The following VSNL1 variants were observed in gnomAD, a reference collection of about 807,000 sequenced individuals.
VSNL1 encodes the protein visinin-like protein 1.
A neutral mutation model predicts 20.4 loss-of-function variants in VSNL1; 6 were observed. The observed-to-expected ratio is 0.29, with a 90% confidence interval of 0.16 to 0.58. The LOEUF (loss-of-function observed/expected upper bound fraction) is 0.58. Among genes scored for constraint, VSNL1 ranks in the 20% least tolerant of loss-of-function variants. VSNL1 has a pLI of 0.90. For synonymous variants in VSNL1, 93 were observed against 86.4 expected, an observed-to-expected ratio of 1.08 and a Z score of -0.42; for missense variants, 100 against 234.5, an observed-to-expected ratio of 0.43 and a Z score of 3.75.
chr2:17,633,579 C>A (rs1180397500), intron 2 of VSNL1, among the ~76,000 whole-genome samples: 1 of 151,894 alleles, frequency 6.6e-6, no homozygotes, highest in Non-Finnish European at 1.5e-5. Context: ...CAGAGGCCAC[C>A]TTCACCTATC....
In VSNL1 at chr2:17,592,177, C is replaced by A; in HGVS notation, c.103C>A (p.Leu35Ile). ...ACTCAAGCAGTGGTACAAAGGATTT[C>A]TCAAGGACTGTCCAAGTGGGAGGCT... Reference protein sequence around the residue: ...HELKQWYKGFLKDCPSGRLNL... With the variant: ...HELKQWYKGFIKDCPSGRLNL... The change falls in exon 2 of 4, where the codon CTC (leucine) becomes ATC (isoleucine). Residue 35 changes from leucine (L) to isoleucine (I), a missense_variant. Physicochemically the swap from Leu to Ile is conservative, Grantham distance 5 (BLOSUM62 2). Coordinates refer to ENST00000295156, the MANE Select transcript of VSNL1 (RefSeq NM_003385.5). 1 of 1,613,904 alleles carries A rather than the reference C, an allele frequency of 6.2e-7. No individual in the cohort carries two copies.
At chr2:17,607,182 G>A (rs995870807) in intron 2 of VSNL1, among the ~76,000 whole-genome samples, 5 of 152,106 alleles carry the variant, frequency 3.3e-5, no homozygotes, top group African/African-American at 4.8e-5. Flanking sequence ...GGAGAATGGG[G>A]CTGAGCCAGG....
chr2:17,583,732 G>A lies in VSNL1; in HGVS notation c.-5-8338G>A, dbSNP rs567433721. ...TCAGATGACTTTCCTCAGTCAGGTC[G>A]GATATGATGCACTTTTATGTAAAGG... On this transcript the variant is annotated intron_variant, in intron 1 of 3. Transcript: ENST00000295156. Among the ~76,000 whole-genome samples the A allele has an allele frequency of 1.2e-4, 18 of 152,278 alleles. No individual in the cohort carries two copies. In the South Asian group the frequency reaches 1.4e-3, roughly 12 times the overall value.
At chr2:17,647,862 G>T (rs1302357349) in intron 2 of VSNL1, among the ~76,000 whole-genome samples, 1 of 152,094 alleles carries the variant, frequency 6.6e-6, no homozygotes, top group Non-Finnish European at 1.5e-5. Context: ...CCCAAGACGA[G>T]GCCCGACATG....
rs1572228909 is a variant in VSNL1, at chr2:17,656,697, TAG to T, written c.*1308_*1309del. The T allele has an allele frequency of 6.6e-6, 1 of 152,182 alleles. No homozygotes were observed. Among genetic ancestry groups the T allele is most frequent in the East Asian group, 1.9e-4 (1 of 5,198 alleles). The allele number at this position is 152,182 out of a possible 1,614,324, so 9.4% of individuals were successfully genotyped here. A position where few individuals can be genotyped will look rare whatever the true frequency, so the allele number is the denominator to read the frequency against. On this transcript the variant is annotated 3_prime_UTR_variant, in exon 4 of 4. Coordinates refer to ENST00000295156, the MANE Select transcript of VSNL1 (RefSeq NM_003385.5). ...TTTGCATTTTCAGAACATGCCCCCC[TAG>T]AGAGTTGAGTTTTTTACACAGCACT...
rs772436363 is a variant in VSNL1 at position 17,649,393 on chromosome 2, C to T, written c.163-17C>T. On this transcript the variant is annotated splice_polypyrimidine_tract_variant and intron_variant, in intron 2 of 3. Transcript: ENST00000295156. This position sits in a 1 kb window ranked among gnomAD's most constrained non-coding sequence, Gnocchi z 6.4. ...CATCCCCTCCCGACACCTGACTGCG[C>T]GTGTTCTCCTTTGCAGTTCTTTCCT... 6 of 1,613,174 alleles carry T rather than the reference C, an allele frequency of 3.7e-6. No individual in the cohort carries two copies. The highest frequency in any genetic ancestry group is 2.2e-5 in the East Asian group (1 of 44,866).
rs564397309 is a variant in VSNL1 at position 17,570,773 on chromosome 2, G to A, written c.-5-21297G>A. The stretch of plus-strand genomic sequence containing the variant: ...CAAAAATGGCAAGATTAGGCTAGGT[G>A]CAGTGGCTCACACCTGTAATCCCAG... On this transcript the variant is annotated intron_variant, in intron 1 of 3. Coordinates refer to ENST00000295156, the MANE Select transcript of VSNL1 (RefSeq NM_003385.5). Among the ~76,000 whole-genome samples, 176 of 152,288 alleles carry A rather than the reference G, an allele frequency of 1.2e-3. 1 individual carries two copies. The highest frequency in any genetic ancestry group is 1.8e-3 in the Non-Finnish European group (121 of 68,010).
intron 2 of VSNL1, among the ~76,000 whole-genome samples, chr2:17,622,506 AAAAG>A (rs1291961474): frequency 7.8e-6 from 1 of 128,326 alleles, no homozygotes. Flanking sequence ...TCAAAAAAAA[AAAAG>A]AAAGAAAGAA....
chr2:17,630,127 GT>G (rs1181918563), intron 2 of VSNL1, among the ~76,000 whole-genome samples: 1 of 152,232 alleles, frequency 6.6e-6, no homozygotes, highest in Non-Finnish European at 1.5e-5. Flanking sequence ...AATCTCGTCC[GT>G]GTATTTTACT....
At position 17,577,515 on chromosome 2, in the gene VSNL1, T is replaced by G. The variant is rs560597333; in HGVS notation, c.-5-14555T>G. ...TTCTAGACTCTCCATTCTGTTATGC[T>G]GATCTATATGTCTATTTTTGTGCCC... On this transcript the variant is annotated intron_variant, in intron 1 of 3. Coordinates refer to ENST00000295156, the MANE Select transcript of VSNL1 (RefSeq NM_003385.5). Among the ~76,000 whole-genome samples the G allele has an allele frequency of 2.6e-5, 4 of 152,354 alleles. No individual in the cohort carries two copies. In the South Asian group the frequency reaches 8.3e-4, roughly 32 times the overall value.
intron 2 of VSNL1, among the ~76,000 whole-genome samples, chr2:17,629,933 C>A (rs1405568121): frequency 6.6e-6 from 1 of 152,130 alleles, no homozygotes; most frequent in Non-Finnish European, 1.5e-5. Flanking sequence ...TTTTTATGGA[C>A]TCGGAATGGC....
intron 1 of VSNL1, among the ~76,000 whole-genome samples, chr2:17,565,864 G>T (rs564692507): frequency 6.6e-6 from 1 of 152,188 alleles, no homozygotes; most frequent in Non-Finnish European, 1.5e-5. Context: ...CCTGCATGCT[G>T]TTCTAGTGAT....
Position 17,608,217 on chromosome 2 carries a change from G to A in VSNL1, c.162+15981G>A, listed in dbSNP as rs561810456. On this transcript the variant is annotated intron_variant, in intron 2 of 3. Transcript: ENST00000295156. ...AAGAAATGCAAGGAAGACCATAAAAGACAAAGTTGGTCTCTGAAAATAGAT... is the reference window on the plus strand; with the variant it reads ...AAGAAATGCAAGGAAGACCATAAAAAACAAAGTTGGTCTCTGAAAATAGAT... Among the ~76,000 whole-genome samples, 4 of 152,324 alleles carry A rather than the reference G, an allele frequency of 2.6e-5. No homozygotes were observed. In the South Asian group the frequency reaches 8.3e-4, roughly 32 times the overall value.
intron 2 of VSNL1, among the ~76,000 whole-genome samples, chr2:17,610,198 T>C (rs899629315): frequency 1.3e-5 from 2 of 152,228 alleles, no homozygotes; most frequent in Non-Finnish European, 2.9e-5. Flanking sequence ...TTGATCTTTG[T>C]ACTTCATCCA....
intron 1 of VSNL1, among the ~76,000 whole-genome samples, chr2:17,544,620 G>A (rs1288126892): frequency 6.6e-6 from 1 of 152,166 alleles, no homozygotes; most frequent in Non-Finnish European, 1.5e-5. Context: ...CAGAATAACA[G>A]TTCAGCATCA....
intron 2 of VSNL1, among the ~76,000 whole-genome samples, chr2:17,601,870 AG>A (rs1301589944): frequency 6.6e-6 from 1 of 151,754 alleles, no homozygotes; most frequent in Non-Finnish European, 1.5e-5. Flanking sequence ...CGGGAGGCAG[AG>A]GTTGCAGTGA....
At chr2:17,553,128 A>G (rs151276802) in intron 1 of VSNL1, among the ~76,000 whole-genome samples, 19 of 152,312 alleles carry the variant, frequency 1.2e-4, no homozygotes, top group African/African-American at 4.6e-4. Flanking sequence ...ATAGTAGGCC[A>G]AAAAGCGTGG....
Position 17,589,240 on chromosome 2 carries a change from A to G in VSNL1, c.-5-2830A>G, listed in dbSNP as rs544846240. Among the ~76,000 whole-genome samples, 4 of 152,314 alleles carry G rather than the reference A, an allele frequency of 2.6e-5. No homozygotes were observed. The East Asian group carries it at 5.8e-4, about 22-fold the overall frequency. On this transcript the variant is annotated intron_variant, in intron 1 of 3. Coordinates refer to ENST00000295156, the MANE Select transcript of VSNL1 (RefSeq NM_003385.5). ...GTGGAAGCATGCAATCCTGGAATCT[A>G]TAATAGTTTATAATCACTGACACAT...
intron 2 of VSNL1, among the ~76,000 whole-genome samples, chr2:17,644,441 G>A (rs771372114): frequency 2.0e-5 from 3 of 152,190 alleles, no homozygotes; most frequent in East Asian, 3.9e-4. Flanking sequence ...GACAGTGCAC[G>A]AGGGGCCCCT....
Sources: allele counts gnomAD v4.1 joint callset (sites outside exome capture counted in the v4.1 genomes callset), GRCh38; gene constraint gnomAD v4.1.1; non-coding constraint Gnocchi (gnomAD v3.1); transcripts MANE v1.5; gene names NCBI Gene and HGNC (gene_info 2026-07-23, HGNC 2026-07-21).